BBS1: variants seen among roughly 807,000 people sequenced by gnomAD.
BBS1 encodes the protein BBSome complex member BBS1.
BBS1 carries 60 observed loss-of-function variants against 73.9 expected under a neutral mutation model. That is an observed-to-expected ratio of 0.81 (90% CI 0.66 to 1.01). The LOEUF (loss-of-function observed/expected upper bound fraction) is 1.01. Ranked by LOEUF, BBS1 falls within the 50% of genes least tolerant of loss-of-function variation. The pLI is 0.00. For synonymous variants in BBS1, 283 were observed against 317.4 expected, an observed-to-expected ratio of 0.89 and a Z score of 1.15; for missense variants, 718 against 770.3, an observed-to-expected ratio of 0.93 and a Z score of 0.80.
chr11:66,531,687 C>A lies in BBS1; in HGVS notation c.1640C>A (p.Pro547His), dbSNP rs774636593. 5 of 1,614,032 alleles carry A rather than the reference C, an allele frequency of 3.1e-6. No homozygotes were observed. Among genetic ancestry groups the A allele is most frequent in the Non-Finnish European group, 4.2e-6 (5 of 1,180,026 alleles). ...VPLLVPGLNY[P>H]LETFVESLSN... Reference sequence around the variant, plus strand: ...TTGCTGGTGCCAGGGCTCAACTACCCCCTGGAGACCTTTGTGGAGAGTCTC... The same window carrying A: ...TTGCTGGTGCCAGGGCTCAACTACCACCTGGAGACCTTTGTGGAGAGTCTC... Residue 547 changes from proline to histidine, a missense_variant, in exon 16 of 17, where the codon CCC (proline) becomes CAC (histidine). Physicochemically the swap from Pro to His is moderately conservative, Grantham distance 77. Coordinates refer to ENST00000318312, the MANE Select transcript of BBS1 (RefSeq NM_024649.5).
At chr11:66,522,768 C>A in intron 9 of BBS1, 1 of 240,648 alleles carries the variant, frequency 4.2e-6, no homozygotes, top group Non-Finnish European at 8.2e-6. Context: ...ATGGCGAAGA[C>A]AGATGTATTA....
At chr11:66,529,201 G>A in intron 13 of BBS1, 1 of 1,470,582 alleles carries the variant, frequency 6.8e-7, no homozygotes, top group East Asian at 2.5e-5. Context: ...TGGGGGCGGG[G>A]TGGGCCCTGG....
rs759253107 is a variant in BBS1 at position 66,515,544 on chromosome 11, G to A, written c.437G>A (p.Arg146Gln). The stretch of plus-strand genomic sequence containing the variant: ...TCTCTTCCCACATTGTCACAGGACC[G>A]AATCGACCCCTTAACCCTGAAGGAG... ...QDLWNQAKED[R>Q]IDPLTLKEML... The change falls in exon 5 of 17, where the codon CGA becomes CAA. Residue 146 changes from arginine to glutamine, a missense_variant. Physicochemically the swap from Arg to Gln is conservative, Grantham distance 43. Coordinates refer to ENST00000318312, the MANE Select transcript of BBS1 (RefSeq NM_024649.5). 36 of 1,614,022 alleles carry A rather than the reference G, an allele frequency of 2.2e-5. 1 individual carries two copies. The East Asian group carries it at 4.7e-4, about 21-fold the overall frequency.
At chr11:66,531,892 C>G in intron 16 of BBS1, 59 bp from the exon 17 acceptor site, 2 of 1,575,322 alleles carry the variant, frequency 1.3e-6, no homozygotes, top group Non-Finnish European at 8.6e-7. Context: ...AGGGCCAGCG[C>G]AGACCAGGCA....
At chr11:66,521,526 CAG>C in intron 9 of BBS1, 150 bp downstream of exon 9, 2 of 709,430 alleles carry the variant, frequency 2.8e-6, no homozygotes, top group South Asian at 1.5e-5. Flanking sequence ...CCCACAAACA[CAG>C]GGGAGGATAC....
At chr11:66,522,265 A>G (rs189104566) in intron 9 of BBS1, among the ~76,000 whole-genome samples, 45 of 151,988 alleles carry the variant, frequency 3.0e-4, no homozygotes, top group African/African-American at 1.1e-3. Flanking sequence ...AAAATTTCCC[A>G]TATTTGTTAC....
Position 66,532,409 on chromosome 11 carries a change from TCTC to T in BBS1, c.*375_*377del. 1 of 221,182 alleles carries T rather than the reference TCTC, an allele frequency of 4.5e-6. No individual in the cohort carries two copies. Among genetic ancestry groups the T allele is most frequent in the East Asian group, 9.6e-5 (1 of 10,444 alleles). The allele number at this position is 221,182 out of a possible 1,614,324, so 13.7% of individuals were successfully genotyped here. A position where few individuals can be genotyped will look rare whatever the true frequency, so the allele number is the denominator to read the frequency against. The stretch of plus-strand genomic sequence containing the variant: ...CCACGTCCCTCATGCACATCACTCA[TCTC>T]CTGCTGCAGGCCAAGGCCAAAATTG... On this transcript the variant is annotated 3_prime_UTR_variant, in exon 17 of 17. Transcript: ENST00000318312.
intron 11 of BBS1, among the ~76,000 whole-genome samples, chr11:66,525,053 A>G (rs1856424204): frequency 1.3e-5 from 2 of 152,142 alleles, no homozygotes; most frequent in Non-Finnish European, 2.9e-5. Context: ...ACAAAAAATT[A>G]GCCGGGCATG....
chr11:66,519,831 A>G (rs1856147526), intron 8 of BBS1, 83 bp downstream of exon 8: 4 of 1,549,026 alleles, frequency 2.6e-6, no homozygotes, highest in Non-Finnish European at 3.5e-6. Flanking sequence ...TCTGGGTAAT[A>G]TATATGTTCC....
At chr11:66,519,798 T>G (rs1856146399) in intron 8 of BBS1, 50 bp downstream of exon 8, 1 of 1,607,218 alleles carries the variant, frequency 6.2e-7, no homozygotes, top group African/African-American at 1.3e-5. Context: ...GGCTGCATTC[T>G]CTCCCCATGC....
intron 13 of BBS1, among the ~76,000 whole-genome samples, chr11:66,528,109 A>C (rs1315624656): frequency 2.0e-5 from 3 of 152,082 alleles, no homozygotes; most frequent in African/African-American, 7.2e-5. Flanking sequence ...ACACGCCTGT[A>C]ATCTCCTTAG....
At chr11:66,510,810 T>G in intron 1 of BBS1, 104 bp downstream of exon 1, 1 of 1,524,644 alleles carries the variant, frequency 6.6e-7, no homozygotes, top group Non-Finnish European at 9.1e-7. Context: ...CTGGAAGGAC[T>G]CTTAAGAGGT....
At chr11:66,519,530 C>T in intron 7 of BBS1, 87 bp from the exon 8 acceptor site, 1 of 1,586,960 alleles carries the variant, frequency 6.3e-7, no homozygotes, top group South Asian at 1.1e-5. Flanking sequence ...CTCCTTTGCC[C>T]TCTTTCTTCC....
intron 13 of BBS1, chr11:66,529,284 G>GCT: frequency 6.5e-7 from 1 of 1,534,504 alleles, no homozygotes; most frequent in Non-Finnish European, 8.7e-7. Flanking sequence ...TGACTTGATG[G>GCT]ACAGGGAGGC....
chr11:66,522,061 C>G (rs1045292332), intron 9 of BBS1, among the ~76,000 whole-genome samples: 11 of 143,752 alleles, frequency 7.7e-5, no homozygotes, highest in Admixed American at 5.5e-4. Context: ...ACTAAAAATA[C>G]AAAAAATTAG....
chr11:66,531,001 C>G lies in BBS1; in HGVS notation c.1581C>G (p.Leu527=), dbSNP rs961749503. 1 of 1,614,246 alleles carries G rather than the reference C, an allele frequency of 6.2e-7. No homozygotes were observed. Among genetic ancestry groups the G allele is most frequent in the Non-Finnish European group, 8.5e-7 (1 of 1,180,046 alleles). The change falls in exon 15 of 17, where the codon CTC becomes CTG. Residue 527 remains leucine, a synonymous_variant. Transcript: ENST00000318312. ...TCTGCTTCCTGTACAACGAGGCGCTCTATTCCCTGCCCCGGGCCTTCTTCA... is the reference window on the plus strand; with the variant it reads ...TCTGCTTCCTGTACAACGAGGCGCTGTATTCCCTGCCCCGGGCCTTCTTCA... ...LLVCFLYNEA[L]YSLPRAFFKV...
At chr11:66,522,939 A>G (rs750484601) in intron 9 of BBS1, 58 of 352,492 alleles carry the variant, frequency 1.6e-4, no homozygotes, top group Non-Finnish European at 2.9e-4. Context: ...AGTCGGGAAG[A>G]GTGTTGTAGG....
At chr11:66,510,738 C>T (rs867404898) in intron 1 of BBS1, 32 bp downstream of exon 1, 5 of 1,613,386 alleles carry the variant, frequency 3.1e-6, no homozygotes, top group Non-Finnish European at 4.2e-6. Flanking sequence ...GCCTCTTTTC[C>T]CACCCGTGTA....
chr11:66,530,590 A>C (rs1486571863), intron 14 of BBS1, among the ~76,000 whole-genome samples: 1 of 151,544 alleles, frequency 6.6e-6, no homozygotes, highest in East Asian at 1.9e-4. Flanking sequence ...TGATCAAGCT[A>C]CCCTAGGATG....
Sources: gnomAD v4.1 joint callset for allele counts (sites outside exome capture counted in the v4.1 genomes callset) on GRCh38, gnomAD v4.1.1 for gene constraint, MANE v1.5 for transcripts, NCBI Gene and HGNC (gene_info 2026-07-23, HGNC 2026-07-21) for gene names.